Variants in FAM107A observed in about 807,000 individuals in gnomAD.
FAM107A encodes actin-associated protein FAM107A.
A neutral mutation model predicts 13.7 loss-of-function variants in FAM107A; 19 were observed. That is an observed-to-expected ratio of 1.38 (90% CI 0.97 to 2.03). FAM107A has a LOEUF of 2.03. FAM107A is among the 30% of genes most tolerant of loss of function. FAM107A has a pLI of 0.00. For missense variants in FAM107A, 203 were observed against 184.4 expected (o/e 1.10, Z -0.58); for synonymous variants, 82 against 74.5 (o/e 1.10, Z -0.52).
chr3:58,582,810 G>A (rs970277173), intron 1 of FAM107A, among the ~76,000 whole-genome samples: 2 of 152,214 alleles, frequency 1.3e-5, no homozygotes, highest in African/African-American at 4.8e-5. Context: ...TTGTTTGTTT[G>A]TTTGTTTGAG....
rs573201304 is a variant in FAM107A, at chr3:58,623,958, T to C, written c.-70+3458A>G. Among the ~76,000 whole-genome samples the C allele has an allele frequency of 2.7e-4, 41 of 152,356 alleles. 3 individuals are homozygous for C. In the South Asian group the frequency reaches 7.9e-3, roughly 29 times the overall value. On this transcript the variant is annotated intron_variant, in intron 1 of 3. Coordinates refer to the FAM107A transcript ENST00000465970. ...CTTGTGCAGGGCAGCCTCTGGAAGC[T>C]TGTGGTTGTGTCCTCTATCCTGGGC...
intron 1 of FAM107A, among the ~76,000 whole-genome samples, chr3:58,595,735 C>T (rs2065702184): frequency 6.6e-6 from 1 of 152,196 alleles, no homozygotes; most frequent in African/African-American, 2.4e-5. Flanking sequence ...GTCACTTGCA[C>T]ACCTGCCAAC....
intron 1 of FAM107A, among the ~76,000 whole-genome samples, chr3:58,601,594 C>A (rs2065752673): frequency 6.6e-6 from 1 of 152,190 alleles, no homozygotes; most frequent in African/African-American, 2.4e-5. Flanking sequence ...AGGAAGGTTT[C>A]AATGAATATC....
At chr3:58,621,080 G>A (rs1251258979) in intron 1 of FAM107A, among the ~76,000 whole-genome samples, 1 of 152,180 alleles carries the variant, frequency 6.6e-6, no homozygotes, top group Non-Finnish European at 1.5e-5. Context: ...TCCCAGGGAA[G>A]GGGAGGACAG....
chr3:58,588,559 T>A (rs766496100), upstream of FAM107A, among the ~76,000 whole-genome samples: 2 of 152,216 alleles, frequency 1.3e-5, no homozygotes, highest in Admixed American at 6.5e-5. Context: ...ATGTCTGTCA[T>A]CAACAACCAG....
Position 58,570,467 on chromosome 3 carries a change from GC to G in FAM107A, c.-5-603del, listed in dbSNP as rs552028723. 8.7e-4 allele frequency: 562 copies of G among 649,578 alleles called. 2 individuals are homozygous for G. The African/African-American group carries it at 9.1e-3, about 11-fold the overall frequency. 40.2% of individuals were successfully genotyped at this position (649,578 alleles called of 1,614,324 possible). A position where few individuals can be genotyped will look rare whatever the true frequency, so the allele number is the denominator to read the frequency against. On this transcript the variant is annotated intron_variant, in intron 1 of 3. Coordinates refer to ENST00000360997, the MANE Select transcript of FAM107A (RefSeq NM_001076778.3). ...TTGTCAAATGTTTGGCTACTCAATG[GC>G]CCCACTTCTACCACAGCGGTTTGAA...
At chr3:58,599,160 TCAAA>T in intron 1 of FAM107A, among the ~76,000 whole-genome samples, 1 of 152,320 alleles carries the variant, frequency 6.6e-6, no homozygotes. Context: ...CAGGCTGGTC[TCAAA>T]CTCCTGACCT....
intron 1 of FAM107A, among the ~76,000 whole-genome samples, chr3:58,572,575 C>T (rs1201022665): frequency 6.6e-6 from 1 of 152,122 alleles, no homozygotes; most frequent in East Asian, 1.9e-4. Context: ...GGGAGAGCGC[C>T]TGGAGTGAGG....
At chr3:58,586,944 C>A (rs758240566) in exon 1 of FAM107A, 17 of 1,526,362 alleles carry the variant, frequency 1.1e-5, no homozygotes, top group Non-Finnish European at 1.3e-5. Flanking sequence ...CATGCCCCCG[C>A]GCCTCCTACT....
intron 1 of FAM107A, among the ~76,000 whole-genome samples, chr3:58,606,496 A>G (rs2065796109): frequency 6.6e-6 from 1 of 152,230 alleles, no homozygotes; most frequent in Non-Finnish European, 1.5e-5. Flanking sequence ...CCTATGACCC[A>G]CAGTGGCACT....
At chr3:58,596,228 C>T (rs1374460258) in intron 1 of FAM107A, among the ~76,000 whole-genome samples, 1 of 152,164 alleles carries the variant, frequency 6.6e-6, no homozygotes, top group Admixed American at 6.5e-5. Flanking sequence ...TCCTCCTCTT[C>T]CCCAGTTTGT....
At chr3:58,592,323 T>G (rs1393275515) in intron 1 of FAM107A, among the ~76,000 whole-genome samples, 1 of 152,148 alleles carries the variant, frequency 6.6e-6, no homozygotes, top group East Asian at 1.9e-4. Flanking sequence ...AGCCAGAATT[T>G]CAGAAGAAGC....
chr3:58,572,357 A>G (rs1229599638), intron 1 of FAM107A, among the ~76,000 whole-genome samples: 3 of 152,292 alleles, frequency 2.0e-5, no homozygotes, highest in Non-Finnish European at 4.4e-5. Context: ...CCAGGCTCCC[A>G]TAGAGACTAA....
chr3:58,620,847 A>C (rs1311630903), intron 1 of FAM107A, among the ~76,000 whole-genome samples: 2 of 152,202 alleles, frequency 1.3e-5, no homozygotes, highest in African/African-American at 4.8e-5. Context: ...CCCCATTAGG[A>C]GGCCTTGGAG....
intron 1 of FAM107A, among the ~76,000 whole-genome samples, chr3:58,573,233 C>T (rs2063701412): frequency 6.6e-6 from 1 of 152,162 alleles, no homozygotes; most frequent in African/African-American, 2.4e-5. Flanking sequence ...CTGTGAGATC[C>T]ACGTATACAC....
chr3:58,616,769 G>A (rs1412883142), intron 1 of FAM107A, among the ~76,000 whole-genome samples: 4 of 151,966 alleles, frequency 2.6e-5, no homozygotes, highest in East Asian at 1.9e-4. Flanking sequence ...TGTTGTTTTC[G>A]GCTCCCCAGT....
In FAM107A at chr3:58,604,314, C is replaced by T. The variant is rs2065775677; in HGVS notation, c.-69-15045G>A. ...CGTGCTCCCTCCAGAGCATTAAACG[C>T]AGATCCAATTCCTTCTCCAACCGGT... On this transcript the variant is annotated intron_variant, in intron 1 of 3. Coordinates refer to the FAM107A transcript ENST00000465970. This position sits in a 1 kb window ranked among gnomAD's most constrained non-coding sequence, Gnocchi z 4.1. Among the ~76,000 whole-genome samples, 1 of 152,114 alleles carries T rather than the reference C, an allele frequency of 6.6e-6. No individual in the cohort carries two copies. The highest frequency in any genetic ancestry group is 1.5e-5 in the Non-Finnish European group (1 of 68,032).
At chr3:58,618,361 C>T (rs563994102) in intron 1 of FAM107A, among the ~76,000 whole-genome samples, 2 of 152,328 alleles carry the variant, frequency 1.3e-5, no homozygotes, top group South Asian at 4.1e-4. Flanking sequence ...TGGCTCTGCA[C>T]CTGGGGTAGA....
upstream of FAM107A, chr3:58,589,386 C>T (rs753286242): frequency 7.7e-6 from 5 of 651,244 alleles, no homozygotes; most frequent in Non-Finnish European, 1.4e-5. Flanking sequence ...TGGTCAGAGT[C>T]AAAGTCCTCT....
Sources: allele counts gnomAD v4.1 joint callset (sites outside exome capture counted in the v4.1 genomes callset), GRCh38; gene constraint gnomAD v4.1.1; non-coding constraint Gnocchi (gnomAD v3.1); transcripts MANE v1.5; gene names NCBI Gene and HGNC (gene_info 2026-07-23, HGNC 2026-07-21).